The following ADAMTS6 variants were observed in gnomAD, a reference collection of about 807,000 sequenced individuals.
The protein encoded by ADAMTS6 is A disintegrin and metalloproteinase with thrombospondin motifs 6.
Under a neutral mutation model 144.3 loss-of-function variants are expected in ADAMTS6, and 23 were observed. The observed-to-expected ratio is 0.16, with a 90% CI of 0.11 to 0.23. The LOEUF (loss-of-function observed/expected upper bound fraction) is 0.23. Among genes scored for constraint, ADAMTS6 ranks in the 10% least tolerant of loss-of-function variants. The probability of loss-of-function intolerance (pLI) is 1.00; values close to 1 mark genes in which losing one functional copy is unlikely to be tolerated. For synonymous variants in ADAMTS6, 444 were observed against 457.5 expected, an observed-to-expected ratio of 0.97 and a Z score of 0.38; for missense variants, 999 against 1,379.6, an observed-to-expected ratio of 0.72 and a Z score of 4.37.
chr5:65,456,692 G>T (rs1319639485), intron 4 of ADAMTS6, among the ~76,000 whole-genome samples: 1 of 152,086 alleles, frequency 6.6e-6, no homozygotes, highest in Non-Finnish European at 1.5e-5. Context: ...GAATACATAA[G>T]TAGATAATGA....
chr5:65,397,418 C>T (rs1753438585), intron 7 of ADAMTS6, among the ~76,000 whole-genome samples: 1 of 152,070 alleles, frequency 6.6e-6, no homozygotes, highest in Middle Eastern at 3.2e-3. Flanking sequence ...TTTTTTAAGT[C>T]TATTTCCCTT....
At position 65,428,802 on chromosome 5, in the gene ADAMTS6, G is replaced by A. The variant is rs1167984610; in HGVS notation, c.1073+22673C>T. Among the ~76,000 whole-genome samples, 3 of 152,108 alleles carry A rather than the reference G, an allele frequency of 2.0e-5. No homozygotes were observed. In the East Asian group the frequency reaches 5.8e-4, roughly 29 times the overall value. On this transcript the variant is annotated intron_variant, in intron 7 of 24. Transcript: ENST00000381055. Reference sequence around the variant, plus strand: ...AGTCAACCCTTGTATGGAAATCAAGGCTTGCTTTCTCACTAGACTTAATTA... The same window carrying A: ...AGTCAACCCTTGTATGGAAATCAAGACTTGCTTTCTCACTAGACTTAATTA...
chr5:65,210,847 G>C, intron 20 of ADAMTS6: 1 of 371,320 alleles, frequency 2.7e-6, no homozygotes, highest in South Asian at 4.5e-5. Flanking sequence ...GTATAAGAAA[G>C]CTCTTGCTGC....
chr5:65,160,157 A>G (rs1406018994), intron 24 of ADAMTS6, among the ~76,000 whole-genome samples: 4 of 152,090 alleles, frequency 2.6e-5, no homozygotes, highest in Non-Finnish European at 5.9e-5. Context: ...CGTCTCCCCA[A>G]ATCCTGCCCT....
In ADAMTS6 at chr5:65,452,063, T is replaced by C. The variant is rs1758784202; in HGVS notation, c.927+70A>G. The C allele has an allele frequency of 1.1e-5, 13 of 1,179,826 alleles. No homozygotes were observed. The South Asian group carries it at 2.2e-4, about 20-fold the overall frequency. 73.1% of individuals were successfully genotyped at this position (1,179,826 alleles called of 1,614,324 possible). A position where few individuals can be genotyped will look rare whatever the true frequency, so the allele number is the denominator to read the frequency against. The stretch of plus-strand genomic sequence containing the variant: ...AGCAATAATAAAACATATTATTTAA[T>C]AATAAGTAATTCTATAGCTCTATAG... On this transcript the variant is annotated intron_variant, in intron 6 of 24. Transcript: ENST00000381055.
At chr5:65,348,423 T>C (rs1236766917) in intron 7 of ADAMTS6, among the ~76,000 whole-genome samples, 1 of 152,098 alleles carries the variant, frequency 6.6e-6, no homozygotes, top group Non-Finnish European at 1.5e-5. Context: ...ACAAATACTG[T>C]ATGGTCTCAT....
At chr5:65,313,015 T>A (rs1266998886) in intron 9 of ADAMTS6, among the ~76,000 whole-genome samples, 2 of 152,070 alleles carry the variant, frequency 1.3e-5, no homozygotes, top group African/African-American at 4.8e-5. Flanking sequence ...GACAATGGTG[T>A]CTGCCTACAA....
At position 65,217,334 on chromosome 5, in the gene ADAMTS6, T is replaced by C. The variant is rs1029520993; in HGVS notation, c.2273-1847A>G. On this transcript the variant is annotated intron_variant, in intron 18 of 24. Coordinates refer to ENST00000381055, the MANE Select transcript of ADAMTS6 (RefSeq NM_197941.4). ...GTAAAAATAAAGATAAAAACAACTA[T>C]GTGGCTTTAAATTCTCCTTCAGTTT... Among the ~76,000 whole-genome samples, 73 of 152,048 alleles carry C rather than the reference T, an allele frequency of 4.8e-4. 3 individuals are homozygous for C. The highest frequency in any genetic ancestry group is 4.4e-5 in the Non-Finnish European group (3 of 67,992).
Position 65,197,263 on chromosome 5 carries a change from T to A in ADAMTS6, c.2576-112A>T, listed in dbSNP as rs889733149. On this transcript the variant is annotated intron_variant, in intron 20 of 24. Coordinates refer to ENST00000381055, the MANE Select transcript of ADAMTS6 (RefSeq NM_197941.4). Reference sequence around the variant, plus strand: ...ACCTCACTGGATCGCTGCCGTCTTATCTGTTCCACATTGGACTGCTTCTCT... The same window carrying A: ...ACCTCACTGGATCGCTGCCGTCTTAACTGTTCCACATTGGACTGCTTCTCT... 43 of 1,082,996 alleles carry A rather than the reference T, an allele frequency of 4.0e-5. No homozygotes were observed. In the East Asian group the frequency reaches 1.0e-3, roughly 26 times the overall value. 67.1% of individuals were successfully genotyped at this position (1,082,996 alleles called of 1,614,324 possible). A position where few individuals can be genotyped will look rare whatever the true frequency, so the allele number is the denominator to read the frequency against.
chr5:65,240,671 C>T (rs1218238407), intron 15 of ADAMTS6, among the ~76,000 whole-genome samples: 1 of 152,104 alleles, frequency 6.6e-6, no homozygotes, highest in Non-Finnish European at 1.5e-5. Context: ...CAGTTCACAA[C>T]CCAGAAGAGG....
At chr5:65,282,776 G>A (rs530704896) in intron 11 of ADAMTS6, among the ~76,000 whole-genome samples, 3 of 151,808 alleles carry the variant, frequency 2.0e-5, no homozygotes, top group South Asian at 2.1e-4. Context: ...AAGAGAGGAC[G>A]GTATAATGAG....
At chr5:65,213,665 A>C (rs1580076173) in intron 20 of ADAMTS6, among the ~76,000 whole-genome samples, 1 of 152,006 alleles carries the variant, frequency 6.6e-6, no homozygotes, top group Non-Finnish European at 1.5e-5. Flanking sequence ...TAATAAAATA[A>C]AATAAAAATA....
At chr5:65,366,472 A>G (rs1471387966) in intron 7 of ADAMTS6, among the ~76,000 whole-genome samples, 1 of 152,230 alleles carries the variant, frequency 6.6e-6, no homozygotes, top group Non-Finnish European at 1.5e-5. Flanking sequence ...TGAACCAAGA[A>G]GTTAGTCACA....
At chr5:65,437,584 G>A (rs1757539950) in intron 7 of ADAMTS6, among the ~76,000 whole-genome samples, 1 of 152,026 alleles carries the variant, frequency 6.6e-6, no homozygotes, top group Non-Finnish European at 1.5e-5. Context: ...ATATCACAAG[G>A]TATAGTCATC....
intron 24 of ADAMTS6, among the ~76,000 whole-genome samples, chr5:65,156,795 G>A (rs139396533): frequency 6.6e-6 from 1 of 152,262 alleles, no homozygotes; most frequent in East Asian, 1.9e-4. Context: ...TTTTCTCTTC[G>A]ACTATCATCA....
chr5:65,164,459 C>A (rs1240710764), intron 24 of ADAMTS6, among the ~76,000 whole-genome samples: 6 of 140,824 alleles, frequency 4.3e-5, no homozygotes, highest in African/African-American at 1.1e-4. Context: ...GGGGGAGGGG[C>A]GCCCGCCATT....
At chr5:65,226,398 A>G (rs567812335) in intron 15 of ADAMTS6, among the ~76,000 whole-genome samples, 179 bp from the exon 16 acceptor site, 2 of 152,136 alleles carry the variant, frequency 1.3e-5, no homozygotes, top group Non-Finnish European at 2.9e-5. Flanking sequence ...TGGTGGTGCA[A>G]CTTAAAGGGG....
At position 65,408,812 on chromosome 5, in the gene ADAMTS6, G is replaced by A. The variant is rs146948537; in HGVS notation, c.1073+42663C>T. On this transcript the variant is annotated intron_variant, in intron 7 of 24. Transcript: ENST00000381055. ...ATAACAAACTGTCTCTCAGACCACA[G>A]TGCAATCAAACTAGAACTCAGGATT... Among the ~76,000 whole-genome samples the A allele has an allele frequency of 7.2e-3, 1,093 of 152,302 alleles. 12 individuals are homozygous for A. The highest frequency in any genetic ancestry group is 0.025 in the African/African-American group (1,026 of 41,556).
intron 7 of ADAMTS6, among the ~76,000 whole-genome samples, chr5:65,387,358 T>C (rs1752561562): frequency 6.6e-6 from 1 of 152,242 alleles, no homozygotes; most frequent in Admixed American, 6.5e-5. Context: ...CAAACTATTG[T>C]AGCTAAGTGA....
Sources: allele counts gnomAD v4.1 joint callset (sites outside exome capture counted in the v4.1 genomes callset), GRCh38; gene constraint gnomAD v4.1.1; transcripts MANE v1.5; gene names NCBI Gene and HGNC (gene_info 2026-07-23, HGNC 2026-07-21).